Variants in PSPH observed in about 807,000 individuals in gnomAD.
The protein encoded by PSPH is phosphoserine phosphatase.
A neutral mutation model predicts 23.4 loss-of-function variants in PSPH; 16 were observed. The ratio of observed to expected loss-of-function variants is 0.68; its 90% confidence interval spans 0.46 to 1.04. PSPH has a LOEUF of 1.04. Among genes scored for constraint, PSPH ranks in the 50% least tolerant of loss-of-function variants. The probability of loss-of-function intolerance (pLI) is 0.00; values close to 1 mark genes in which losing one functional copy is unlikely to be tolerated. For synonymous variants in PSPH, 68 were observed against 99.7 expected (o/e 0.68, Z 1.89); for missense variants, 223 against 273.7 (o/e 0.81, Z 1.31).
At chr7:56,027,320 G>A (rs1287185845) in intron 3 of PSPH, among the ~76,000 whole-genome samples, 1 of 152,286 alleles carries the variant, frequency 6.6e-6, no homozygotes, top group East Asian at 1.9e-4. Context: ...CAGTCCCCAG[G>A]GACCCTGACA....
chr7:56,022,448 T>C (rs1375454775), intron 3 of PSPH, among the ~76,000 whole-genome samples: 1 of 152,090 alleles, frequency 6.6e-6, no homozygotes, highest in Non-Finnish European at 1.5e-5. Context: ...ATTTGGCATG[T>C]GCTGGGAGGA....
chr7:56,047,596 G>A (rs542954635), intron 1 of PSPH, among the ~76,000 whole-genome samples: 36 of 151,860 alleles, frequency 2.4e-4, no homozygotes, highest in Admixed American at 9.8e-4. Context: ...CTGACATCAT[G>A]TGACTCTTCC....
intron 4 of PSPH, 104 bp from the exon 5 acceptor site, chr7:56,019,838 T>C (rs749366080): frequency 6.8e-7 from 1 of 1,462,636 alleles, no homozygotes; most frequent in East Asian, 2.4e-5. Context: ...AGGAAGATGC[T>C]ACCAAGAGCC....
At chr7:56,020,498 G>A (rs376943592) in intron 4 of PSPH, among the ~76,000 whole-genome samples, 2 of 151,810 alleles carry the variant, frequency 1.3e-5, no homozygotes, top group East Asian at 1.9e-4. Context: ...GGTGGCATGC[G>A]CCTGTAATCC....
chr7:56,020,947 G>T, intron 4 of PSPH, 126 bp downstream of exon 4: 1 of 993,364 alleles, frequency 1.0e-6, no homozygotes, highest in Non-Finnish European at 1.5e-6. Context: ...GTCAAATTCA[G>T]CTCTAAGGAA....
chr7:56,016,303 C>A (rs978639118), intron 6 of PSPH, among the ~76,000 whole-genome samples: 3 of 148,938 alleles, frequency 2.0e-5, no homozygotes, highest in African/African-American at 7.4e-5. Flanking sequence ...ACTTGGGAGG[C>A]TGAGGCAGGA....
intron 5 of PSPH, among the ~76,000 whole-genome samples, chr7:56,018,557 A>C (rs569325247): frequency 6.6e-6 from 1 of 152,286 alleles, no homozygotes; most frequent in Non-Finnish European, 1.5e-5. Flanking sequence ...AAAGCACCAC[A>C]CAGGCCACGC....
rs140301679 is a variant in PSPH at position 56,017,314 on chromosome 7, C to A, written c.341G>T (p.Ser114Ile). 1.1e-5 allele frequency: 18 copies of A among 1,612,966 alleles called. No homozygotes were observed. The East Asian group carries it at 3.6e-4, about 32-fold the overall frequency. Residue 114 changes from serine (S) to isoleucine (I), a missense_variant, in exon 6 of 8, where the codon AGT becomes ATT. By Grantham distance (142) the Ser-to-Ile change is moderately radical. Coordinates refer to ENST00000275605, the MANE Select transcript of PSPH (RefSeq NM_004577.4). ...QVFLISGGFR[S>I]IVEHVASKLN... ...CTTTGAAGCAACATGCTCTACAATACTCCTAAAGCCACCAGATATTAGGAA... is the reference window on the plus strand; with the variant it reads ...CTTTGAAGCAACATGCTCTACAATAATCCTAAAGCCACCAGATATTAGGAA...
intron 3 of PSPH, among the ~76,000 whole-genome samples, chr7:56,030,738 A>C (rs1469668374): frequency 6.6e-6 from 1 of 151,814 alleles, no homozygotes; most frequent in East Asian, 1.9e-4. Flanking sequence ...GTCCCTATTA[A>C]ATATACAAAA....
intron 1 of PSPH, among the ~76,000 whole-genome samples, chr7:56,044,453 T>C (rs1012700861): frequency 1.3e-5 from 2 of 151,912 alleles, no homozygotes; most frequent in African/African-American, 4.8e-5. Flanking sequence ...ATAGAAAAAT[T>C]AGGAGGACAA....
chr7:56,012,341 A>G (rs1788006974), intron 7 of PSPH, among the ~76,000 whole-genome samples: 1 of 152,058 alleles, frequency 6.6e-6, no homozygotes, highest in Admixed American at 6.6e-5. Context: ...ACAGGTGCAC[A>G]CCACAATCCC....
chr7:56,019,871 G>A, intron 4 of PSPH, 137 bp from the exon 5 acceptor site: 1 of 1,116,414 alleles, frequency 9.0e-7, no homozygotes. Context: ...GACAGGCTTT[G>A]CTACTAGGAG....
intron 3 of PSPH, among the ~76,000 whole-genome samples, chr7:56,025,290 T>A (rs1342488701): frequency 6.6e-6 from 1 of 151,802 alleles, no homozygotes; most frequent in African/African-American, 2.4e-5. Flanking sequence ...CATTTTTTTT[T>A]ATTTTGAGTT....
At chr7:56,026,786 G>A (rs1790249050) in intron 3 of PSPH, among the ~76,000 whole-genome samples, 1 of 152,318 alleles carries the variant, frequency 6.6e-6, no homozygotes, top group East Asian at 1.9e-4. Flanking sequence ...AGCACTTACT[G>A]TAGTGCAAGT....
At chr7:56,032,826 T>C (rs2116935196) in intron 2 of PSPH, among the ~76,000 whole-genome samples, 1 of 150,612 alleles carries the variant, frequency 6.6e-6, no homozygotes, top group East Asian at 2.0e-4. Context: ...GTGGTGCGTA[T>C]TTGTAGTCCC....
chr7:56,022,870 C>A (rs1195343648), intron 3 of PSPH, among the ~76,000 whole-genome samples: 1 of 152,080 alleles, frequency 6.6e-6, no homozygotes, highest in African/African-American at 2.4e-5. Flanking sequence ...ACCATCCTGG[C>A]CAACATGGCA....
chr7:56,046,358 G>A (rs1193021072), intron 1 of PSPH, among the ~76,000 whole-genome samples: 1 of 151,896 alleles, frequency 6.6e-6, no homozygotes, highest in Non-Finnish European at 1.5e-5. Context: ...GGCTGGTCTC[G>A]AACTCCTGAC....
At chr7:56,017,066 T>C (rs955995183) in intron 6 of PSPH, among the ~76,000 whole-genome samples, 168 bp downstream of exon 6, 33 of 152,182 alleles carry the variant, frequency 2.2e-4, no homozygotes, top group Non-Finnish European at 2.8e-4. Flanking sequence ...CCTAAGTCTA[T>C]TTTGCTGAGC....
intron 3 of PSPH, among the ~76,000 whole-genome samples, chr7:56,026,587 G>T (rs1374325995): frequency 6.6e-6 from 1 of 150,656 alleles, no homozygotes; most frequent in Admixed American, 6.6e-5. Flanking sequence ...GATTGCTTAA[G>T]GCTAGGAGTT....
Sources: allele counts gnomAD v4.1 joint callset (sites outside exome capture counted in the v4.1 genomes callset), GRCh38; gene constraint gnomAD v4.1.1; transcripts MANE v1.5; gene names NCBI Gene and HGNC (gene_info 2026-07-23, HGNC 2026-07-21).